Variants in NUP107 observed in about 807,000 individuals in gnomAD.
NUP107 encodes nuclear pore complex protein Nup107.
NUP107 carries 101 observed loss-of-function variants against 141.0 expected under a neutral mutation model. The ratio of observed to expected loss-of-function variants is 0.72; its 90% CI spans 0.61 to 0.84. The LOEUF (loss-of-function observed/expected upper bound fraction) is 0.84, where lower values mean the gene tolerates loss of function less well. NUP107 is among the 40% of genes least tolerant of loss of function. The pLI, the probability that NUP107 is intolerant of heterozygous loss-of-function variation, is 0.00. For missense variants in NUP107, 941 were observed against 1,102.7 expected, an observed-to-expected ratio of 0.85 and a Z score of 2.08; for synonymous variants, 319 against 363.9, an observed-to-expected ratio of 0.88 and a Z score of 1.41.
chr12:68,719,200 A>G, intron 12 of NUP107, 141 bp from the exon 13 acceptor site: 1 of 603,704 alleles, frequency 1.7e-6, no homozygotes, highest in Non-Finnish European at 2.9e-6. Flanking sequence ...GAATTCCATT[A>G]TTAACTGTCT....
At chr12:68,706,144 G>T in intron 8 of NUP107, 1 of 766,508 alleles carries the variant, frequency 1.3e-6, no homozygotes. Context: ...ACATGCAGGG[G>T]CTGGTGGAGG....
chr12:68,715,291 C>T (rs1455392880), intron 11 of NUP107, among the ~76,000 whole-genome samples: 2 of 152,216 alleles, frequency 1.3e-5, no homozygotes, highest in African/African-American at 2.4e-5. Flanking sequence ...GTCAGGAGTT[C>T]GAGACCAATC....
At chr12:68,702,925 C>T (rs766906154) in intron 8 of NUP107, 141 bp downstream of exon 8, 43 of 438,568 alleles carry the variant, frequency 9.8e-5, no homozygotes, top group Non-Finnish European at 1.6e-4. Flanking sequence ...CTCACTGCAA[C>T]CTCTGCCTCC....
At chr12:68,703,201 G>A (rs1397668877) in intron 8 of NUP107, among the ~76,000 whole-genome samples, 1 of 152,018 alleles carries the variant, frequency 6.6e-6, no homozygotes, top group Non-Finnish European at 1.5e-5. Flanking sequence ...AATTTTACAA[G>A]TAAATAAAAA....
intron 3 of NUP107, among the ~76,000 whole-genome samples, chr12:68,690,111 C>T (rs1387720355): frequency 6.6e-6 from 1 of 150,948 alleles, no homozygotes; most frequent in Non-Finnish European, 1.5e-5. Context: ...ACCCGGAAGG[C>T]AGAGGTTGCA....
intron 17 of NUP107, among the ~76,000 whole-genome samples, chr12:68,724,801 A>AC (rs1877491515): frequency 6.6e-6 from 1 of 152,076 alleles, no homozygotes; most frequent in African/African-American, 2.4e-5. Flanking sequence ...AAACAAACAA[A>AC]AAAAACCACA....
At chr12:68,731,850 C>A in intron 22 of NUP107, 131 bp downstream of exon 22, 1 of 512,802 alleles carries the variant, frequency 2.0e-6, no homozygotes, top group Non-Finnish European at 3.4e-6. Flanking sequence ...CTTTGTCAGC[C>A]CAGACCTTTT....
intron 24 of NUP107, among the ~76,000 whole-genome samples, chr12:68,733,898 A>G (rs1322506902): frequency 6.6e-6 from 1 of 152,184 alleles, no homozygotes; most frequent in Non-Finnish European, 1.5e-5. Flanking sequence ...TCAGCTTTAA[A>G]TTTCTGCTTT....
chr12:68,718,545 A>G (rs142981837), intron 12 of NUP107, among the ~76,000 whole-genome samples: 1 of 152,242 alleles, frequency 6.6e-6, no homozygotes, highest in East Asian at 1.9e-4. Context: ...AACCTCTTTA[A>G]CCCCATTTGT....
At position 68,715,683 on chromosome 12, in the gene NUP107, T is replaced by C. The variant is rs1565695441; in HGVS notation, c.1026T>C (p.Asp342=). The C allele has an allele frequency of 6.2e-7, 1 of 1,613,488 alleles. No individual in the cohort carries two copies. Among genetic ancestry groups the C allele is most frequent in the Non-Finnish European group, 8.5e-7 (1 of 1,179,486 alleles). The change falls in exon 12 of 28, where the codon GAT becomes GAC. Residue 342 remains aspartate (D), a synonymous_variant. Coordinates refer to ENST00000229179, the MANE Select transcript of NUP107 (RefSeq NM_020401.4). ...CCCTTGATGATCTGGATAGAGAAGA[T>C]GAAGTTAGATTACTCAAATATCTCT... ...KMPLDDLDRE[D]EVRLLKYLFT...
rs1424496252 is a variant in NUP107 at position 68,745,681 on chromosome 12, A to G, written c.*3219A>G. ...ACATCTTTAGAGAACACATTTTCTC[A>G]CTGTTGAGCTAATAATGCTTTGTGA... On this transcript the variant is annotated 3_prime_UTR_variant, in exon 28 of 28. Transcript: ENST00000229179. 1 of 152,234 alleles carries G rather than the reference A, an allele frequency of 6.6e-6. No individual in the cohort carries two copies. The highest frequency in any genetic ancestry group is 1.9e-4 in the East Asian group (1 of 5,204). The allele number at this position is 152,234 out of a possible 1,614,324, so 9.4% of individuals were successfully genotyped here.
intron 14 of NUP107, 55 bp from the exon 15 acceptor site, chr12:68,721,063 T>G (rs1379233863): frequency 5.9e-6 from 7 of 1,193,654 alleles, no homozygotes; most frequent in African/African-American, 3.0e-5. Flanking sequence ...ATGAGGAAAA[T>G]TGACATACTA....
intron 26 of NUP107, among the ~76,000 whole-genome samples, chr12:68,741,366 G>A (rs535468503): frequency 6.6e-6 from 1 of 152,044 alleles, no homozygotes; most frequent in African/African-American, 2.4e-5. Context: ...TTTTCCATGT[G>A]TATAAGCAAA....
rs1490207049 is a variant in NUP107 at position 68,731,158 on chromosome 12, C to A, written c.1783C>A (p.His595Asn). The A allele has an allele frequency of 6.2e-7, 1 of 1,609,742 alleles. No individual in the cohort carries two copies. The highest frequency in any genetic ancestry group is 1.3e-5 in the African/African-American group (1 of 74,754). Residue 595 changes from histidine (H) to asparagine (N), a missense_variant, in exon 21 of 28, where the codon CAT becomes AAT. Physicochemically the swap from His to Asn is moderately conservative, Grantham distance 68. Coordinates refer to ENST00000229179, the MANE Select transcript of NUP107 (RefSeq NM_020401.4). Reference protein sequence around the residue: ...HTNLIAFYTCHLPQDLAVAQY... With the variant: ...HTNLIAFYTCNLPQDLAVAQY... ...AAATCTTATAGCATTTTATACCTGT[C>A]ATTTGCCTCAAGACCTAGCTGTTGC...
rs1319116442 is a variant in NUP107 at position 68,709,286 on chromosome 12, G to A, written c.778G>A (p.Asp260Asn). 4 of 1,599,848 alleles carry A rather than the reference G, an allele frequency of 2.5e-6. No individual in the cohort carries two copies. Among genetic ancestry groups the A allele is most frequent in the Middle Eastern group, 1.7e-4 (1 of 6,024 alleles). Reference sequence around the variant, plus strand: ...AGTTGTGGAAGCGTTATTTCAGAGGGATTCACTTGTTCGACAAAGTCAGGT... The same window carrying A: ...AGTTGTGGAAGCGTTATTTCAGAGGAATTCACTTGTTCGACAAAGTCAGGT... ...KTVVEALFQRDSLVRQSQLVV... is the reference protein window; with the variant it reads ...KTVVEALFQRNSLVRQSQLVV... The change falls in exon 9 of 28, where the codon GAT (aspartate) becomes AAT (asparagine). Residue 260 changes from aspartate (D) to asparagine (N), a missense_variant. By Grantham distance (23) the Asp-to-Asn change is conservative (BLOSUM62 1). Coordinates refer to ENST00000229179, the MANE Select transcript of NUP107 (RefSeq NM_020401.4).
At chr12:68,693,267 A>C (rs1875903799) in intron 5 of NUP107, among the ~76,000 whole-genome samples, 1 of 151,268 alleles carries the variant, frequency 6.6e-6, no homozygotes, top group Admixed American at 6.6e-5. Context: ...TAGTAGAGAG[A>C]GGTTTCACCA....
At chr12:68,726,703 GT>G (rs1877582295) in intron 19 of NUP107, 86 bp downstream of exon 19, 1 of 851,856 alleles carries the variant, frequency 1.2e-6, no homozygotes, top group East Asian at 2.5e-5. Context: ...TTTTATTATT[GT>G]TTTCTAGAAA....
intron 24 of NUP107, among the ~76,000 whole-genome samples, chr12:68,734,000 G>T (rs538060843): frequency 6.6e-6 from 1 of 152,308 alleles, no homozygotes; most frequent in Admixed American, 6.5e-5. Context: ...GCTAGATGCG[G>T]TGACTCACGC....
chr12:68,704,526 T>C (rs1876485523), intron 8 of NUP107, among the ~76,000 whole-genome samples: 1 of 151,914 alleles, frequency 6.6e-6, no homozygotes, highest in African/African-American at 2.4e-5. Flanking sequence ...TGATCTCAGC[T>C]CACTCCAACC....
Sources: allele counts gnomAD v4.1 joint callset (sites outside exome capture counted in the v4.1 genomes callset), GRCh38; gene constraint gnomAD v4.1.1; transcripts MANE v1.5; gene names NCBI Gene and HGNC (gene_info 2026-07-23, HGNC 2026-07-21).